The following MACO1 variants were observed in gnomAD, a reference collection of about 807,000 sequenced individuals.
The protein encoded by MACO1 is macoilin.
In MACO1, 14 loss-of-function variants were observed where a neutral mutation model predicts 78.7. That is an observed-to-expected ratio of 0.18 (90% CI 0.12 to 0.28). The LOEUF (loss-of-function observed/expected upper bound fraction) is 0.28, where lower values mean the gene tolerates loss of function less well. Among genes scored for constraint, MACO1 ranks in the 10% least tolerant of loss-of-function variants. MACO1 has a pLI of 1.00. For synonymous variants in MACO1, 288 were observed against 291.6 expected, an observed-to-expected ratio of 0.99 and a Z score of 0.12; for missense variants, 501 against 799.0, an observed-to-expected ratio of 0.63 and a Z score of 4.50.
At chr1:25,432,108 G>C (rs983938395) in intron 1 of MACO1, among the ~76,000 whole-genome samples, 2 of 152,208 alleles carry the variant, frequency 1.3e-5, no homozygotes, top group African/African-American at 4.8e-5. Flanking sequence ...CCTTGATACA[G>C]ATTTCGGTGG....
At chr1:25,455,229 T>C (rs2043109103) in intron 4 of MACO1, among the ~76,000 whole-genome samples, 1 of 152,194 alleles carries the variant, frequency 6.6e-6, no homozygotes, top group South Asian at 2.1e-4. Flanking sequence ...TGAATGAATA[T>C]TATTTCTCTT....
At chr1:25,432,176 T>G (rs2042881209) in intron 1 of MACO1, among the ~76,000 whole-genome samples, 1 of 152,200 alleles carries the variant, frequency 6.6e-6, no homozygotes, top group Admixed American at 6.5e-5. Flanking sequence ...CTTAATTGAG[T>G]CCTCATGGTG....
intron 1 of MACO1, among the ~76,000 whole-genome samples, chr1:25,444,738 CACT>C (rs779889664): frequency 6.6e-5 from 10 of 151,838 alleles, no homozygotes; most frequent in Non-Finnish European, 1.3e-4. Context: ...AAGTGTGTGC[CACT>C]ACACCTGGCT....
chr1:25,435,487 A>T (rs532717711), intron 1 of MACO1, among the ~76,000 whole-genome samples: 1 of 152,190 alleles, frequency 6.6e-6, no homozygotes, highest in Non-Finnish European at 1.5e-5. Flanking sequence ...ACCCTTGTCT[A>T]CATCTGATCT....
chr1:25,495,888 G>A (rs1424370272), intron 10 of MACO1, among the ~76,000 whole-genome samples: 1 of 152,120 alleles, frequency 6.6e-6, no homozygotes, highest in South Asian at 2.1e-4. Flanking sequence ...CTTGAACCCC[G>A]AAAGTGGAGG....
rs114941291 is a variant in MACO1, at chr1:25,468,119, A to G, written c.1154+9227A>G. Among the ~76,000 whole-genome samples, 1,400 of 151,948 alleles carry G rather than the reference A, an allele frequency of 9.2e-3. 20 individuals carry two copies. Among genetic ancestry groups the G allele is most frequent in the African/African-American group, 0.031 (1,281 of 41,440 alleles). On this transcript the variant is annotated intron_variant, in intron 6 of 10. Coordinates refer to ENST00000374343, the MANE Select transcript of MACO1 (RefSeq NM_018202.6). ...GAATTTCAGATTTTTTTTTTCTACT[A>G]GAGAGGTGCTGTTGTGTGTTAAAAA...
rs574107912 is a variant in MACO1, at chr1:25,456,141, C to T, written c.474-512C>T. ...GGCATGGTGATGCAGGCCTGTAGTCCCAGCTACTCAGGAGGCTGAGGCAGG... is the reference window on the plus strand; with the variant it reads ...GGCATGGTGATGCAGGCCTGTAGTCTCAGCTACTCAGGAGGCTGAGGCAGG... On this transcript the variant is annotated intron_variant, in intron 4 of 10. Transcript: ENST00000374343. Among the ~76,000 whole-genome samples the T allele has an allele frequency of 5.9e-5, 9 of 151,846 alleles. No individual in the cohort carries two copies. The East Asian group carries it at 1.6e-3, about 26-fold the overall frequency.
intron 1 of MACO1, among the ~76,000 whole-genome samples, chr1:25,437,356 C>T (rs2042928554): frequency 1.4e-5 from 2 of 147,664 alleles, no homozygotes; most frequent in South Asian, 2.2e-4. Flanking sequence ...GGAGTCTCGC[C>T]GTGTTGTATA....
intron 1 of MACO1, among the ~76,000 whole-genome samples, chr1:25,442,740 C>T (rs1259990734): frequency 6.6e-6 from 1 of 152,002 alleles, no homozygotes; most frequent in Non-Finnish European, 1.5e-5. Context: ...ATAATATTCA[C>T]TTTGATAGAG....
At chr1:25,438,299 A>G (rs746572515) in intron 1 of MACO1, among the ~76,000 whole-genome samples, 2 of 152,256 alleles carry the variant, frequency 1.3e-5, no homozygotes, top group Non-Finnish European at 2.9e-5. Context: ...AATTCATTTC[A>G]TAAGGGAATC....
chr1:25,466,098 A>C (rs2043217298), intron 6 of MACO1, among the ~76,000 whole-genome samples: 1 of 152,150 alleles, frequency 6.6e-6, no homozygotes. Context: ...TTTTTGATAC[A>C]TTGATTTCTT....
intron 6 of MACO1, among the ~76,000 whole-genome samples, chr1:25,459,561 G>T (rs918142290): frequency 6.8e-6 from 1 of 147,544 alleles, no homozygotes; most frequent in Non-Finnish European, 1.5e-5. Flanking sequence ...TGCAACCTCC[G>T]CCTCCTGGCT....
chr1:25,436,755 C>G (rs1448814412), intron 1 of MACO1, among the ~76,000 whole-genome samples: 1 of 152,226 alleles, frequency 6.6e-6, no homozygotes, highest in Middle Eastern at 3.4e-3. Context: ...GACATTTAAC[C>G]GACATCAAAT....
At chr1:25,478,712 G>A (rs1183724876) in intron 6 of MACO1, among the ~76,000 whole-genome samples, 1 of 152,196 alleles carries the variant, frequency 6.6e-6, no homozygotes, top group African/African-American at 2.4e-5. Flanking sequence ...AAGTTGCCTG[G>A]ACCTGATGTG....
chr1:25,480,925 AAAAAATATATATATATATATATATAT>A, intron 6 of MACO1, among the ~76,000 whole-genome samples: 1 of 32,118 alleles, frequency 3.1e-5, no homozygotes, highest in Non-Finnish European at 6.7e-5. Flanking sequence ...AAAAAAAAAA[AAAAAATATATATATATATATATATAT>A]ATATATATAT....
chr1:25,433,344 G>C (rs979112267), intron 1 of MACO1, among the ~76,000 whole-genome samples: 2 of 152,044 alleles, frequency 1.3e-5, no homozygotes, highest in Non-Finnish European at 2.9e-5. Flanking sequence ...AACAGGATGA[G>C]TGGACTGGTT....
intron 1 of MACO1, 48 bp downstream of exon 1, chr1:25,431,226 C>A: frequency 1.4e-6 from 2 of 1,470,808 alleles, no homozygotes; most frequent in Non-Finnish European, 1.8e-6. Flanking sequence ...TGCGGTCCCC[C>A]TCCAGCTCCG....
At chr1:25,437,427 G>T (rs1265880307) in intron 1 of MACO1, among the ~76,000 whole-genome samples, 4 of 151,668 alleles carry the variant, frequency 2.6e-5, no homozygotes, top group Non-Finnish European at 5.9e-5. Context: ...AAAGTACTGG[G>T]ATTATAGGCA....
intron 6 of MACO1, among the ~76,000 whole-genome samples, chr1:25,476,886 C>G (rs535133370): frequency 4.6e-5 from 7 of 152,274 alleles, no homozygotes; most frequent in African/African-American, 1.7e-4. Flanking sequence ...GTTTCCAGAG[C>G]CTCTTATGTC....
Sources: gnomAD v4.1 joint callset for allele counts (sites outside exome capture counted in the v4.1 genomes callset) on GRCh38, gnomAD v4.1.1 for gene constraint, MANE v1.5 for transcripts, NCBI Gene and HGNC (gene_info 2026-07-23, HGNC 2026-07-21) for gene names.